NRCAM: variants seen among roughly 807,000 people sequenced by gnomAD.
NRCAM encodes the protein neuronal cell adhesion molecule.
In NRCAM, 83 loss-of-function variants were observed where a neutral mutation model predicts 156.5. The ratio of observed to expected loss-of-function variants is 0.53; its 90% CI spans 0.44 to 0.64. NRCAM has a LOEUF of 0.64. Among genes scored for constraint, NRCAM ranks in the 30% least tolerant of loss-of-function variants. The probability of loss-of-function intolerance (pLI) is 0.00; values close to 1 mark genes in which losing one functional copy is unlikely to be tolerated. For synonymous variants in NRCAM, 538 were observed against 563.9 expected, an observed-to-expected ratio of 0.95 and a Z score of 0.65; for missense variants, 1,417 against 1,597.3, an observed-to-expected ratio of 0.89 and a Z score of 1.92.
chr7:108,240,431 A>G (rs1318150039), intron 3 of NRCAM, among the ~76,000 whole-genome samples: 2 of 152,184 alleles, frequency 1.3e-5, no homozygotes, highest in Admixed American at 1.3e-4. Context: ...TGGTATTTGT[A>G]TTATGAGTGT....
At chr7:108,265,271 AG>A (rs751308244) in intron 3 of NRCAM, among the ~76,000 whole-genome samples, 3 of 152,216 alleles carry the variant, frequency 2.0e-5, no homozygotes, top group Non-Finnish European at 4.4e-5. Flanking sequence ...TTTGGGATAC[AG>A]GCTAATGGAA....
intron 1 of NRCAM, among the ~76,000 whole-genome samples, chr7:108,408,885 CG>C (rs1367962306): frequency 6.6e-6 from 1 of 152,114 alleles, no homozygotes; most frequent in Non-Finnish European, 1.5e-5. Flanking sequence ...ACTGTAGAGG[CG>C]GGGCGGGTAG....
chr7:108,443,102 T>C (rs1840434020), intron 1 of NRCAM, among the ~76,000 whole-genome samples: 1 of 152,180 alleles, frequency 6.6e-6, no homozygotes, highest in Non-Finnish European at 1.5e-5. Context: ...AAACTCAGAA[T>C]TGTAAAGTTC....
At chr7:108,365,923 CAT>C (rs1282576202) in intron 2 of NRCAM, among the ~76,000 whole-genome samples, 1 of 152,100 alleles carries the variant, frequency 6.6e-6, no homozygotes, top group Non-Finnish European at 1.5e-5. Flanking sequence ...TCTCAAAATT[CAT>C]ATGTTAAAAC....
At chr7:108,181,197 A>AG (rs2063284483) in intron 24 of NRCAM, among the ~76,000 whole-genome samples, 1 of 115,504 alleles carries the variant, frequency 8.7e-6, no homozygotes, top group Non-Finnish European at 1.7e-5. Flanking sequence ...GCTAGGGGGA[A>AG]AAAAAAAAAG....
At chr7:108,447,217 G>C (rs1386386209) in intron 1 of NRCAM, among the ~76,000 whole-genome samples, 2 of 145,062 alleles carry the variant, frequency 1.4e-5, no homozygotes. Flanking sequence ...CCTCTTTGAT[G>C]TGAACAGTCA....
chr7:108,315,501 C>G (rs2098900591), intron 2 of NRCAM, among the ~76,000 whole-genome samples: 1 of 152,134 alleles, frequency 6.6e-6, no homozygotes, highest in African/African-American at 2.4e-5. Context: ...AAAATACATT[C>G]CAAAAAACAG....
At chr7:108,319,467 G>A (rs2098974330) in intron 2 of NRCAM, among the ~76,000 whole-genome samples, 1 of 152,132 alleles carries the variant, frequency 6.6e-6, no homozygotes, top group Non-Finnish European at 1.5e-5. Context: ...GATTTGCCAA[G>A]TTCTATGCTG....
chr7:108,388,482 G>A (rs1304248965), intron 2 of NRCAM, among the ~76,000 whole-genome samples: 7 of 152,272 alleles, frequency 4.6e-5, no homozygotes, highest in Admixed American at 3.3e-4. Context: ...TGGGTAGATT[G>A]CAAAAATTTT....
intron 1 of NRCAM, among the ~76,000 whole-genome samples, chr7:108,419,147 G>A (rs1256127585): frequency 6.6e-6 from 1 of 152,130 alleles, no homozygotes; most frequent in Admixed American, 6.5e-5. Flanking sequence ...TAAAAGGAGT[G>A]CCCTCATCCC....
At chr7:108,204,886 T>C (rs150891158) in intron 13 of NRCAM, among the ~76,000 whole-genome samples, 1 of 152,238 alleles carries the variant, frequency 6.6e-6, no homozygotes, top group African/African-American at 2.4e-5. Flanking sequence ...AACTACTCTT[T>C]CTGCTATTAC....
intron 2 of NRCAM, among the ~76,000 whole-genome samples, chr7:108,322,897 C>T (rs2099019404): frequency 6.6e-6 from 1 of 152,136 alleles, no homozygotes. Flanking sequence ...ATAAAGCAAT[C>T]AAATTATGAA....
At chr7:108,170,487 G>C (rs1047185794) in intron 28 of NRCAM, among the ~76,000 whole-genome samples, 1 of 152,178 alleles carries the variant, frequency 6.6e-6, no homozygotes, top group Non-Finnish European at 1.5e-5. Context: ...CCTTCGGAGA[G>C]TCTCATCAGA....
At chr7:108,199,567 C>G (rs2076875364) in intron 13 of NRCAM, among the ~76,000 whole-genome samples, 2 of 152,316 alleles carry the variant, frequency 1.3e-5, no homozygotes, top group South Asian at 4.1e-4. Context: ...GGAGGCTGCC[C>G]ACATTCCTTG....
intron 1 of NRCAM, among the ~76,000 whole-genome samples, chr7:108,452,090 T>A (rs1049157663): frequency 4.6e-5 from 7 of 152,212 alleles, no homozygotes; most frequent in African/African-American, 1.4e-4. Context: ...ATTCCCCTAT[T>A]TCCTTCCTCA....
intron 3 of NRCAM, among the ~76,000 whole-genome samples, chr7:108,244,645 G>A (rs956518708): frequency 6.6e-5 from 10 of 152,094 alleles, no homozygotes; most frequent in Admixed American, 6.6e-4. Context: ...AGTAGTCCGG[G>A]ATAATAGGAC....
intron 17 of NRCAM, among the ~76,000 whole-genome samples, chr7:108,192,160 G>A (rs1587506342): frequency 6.6e-6 from 1 of 152,194 alleles, no homozygotes; most frequent in African/African-American, 2.4e-5. Context: ...CTGGGCTGCA[G>A]AGGGGACCGC....
chr7:108,428,322 G>A lies in NRCAM; in HGVS notation c.-332+27921C>T, dbSNP rs536420134. ...ATTAATTACATAGCCTGTATCAGTT[G>A]TGCCTACATATATTAGTGAAAGTAT... On this transcript the variant is annotated intron_variant, in intron 1 of 32. Coordinates refer to ENST00000379028, the MANE Select transcript of NRCAM (RefSeq NM_001037132.4). 5.9e-5 allele frequency among the ~76,000 whole-genome samples: 9 copies of A among 152,272 alleles called. No individual in the cohort carries two copies. In the South Asian group the frequency reaches 1.9e-3, roughly 32 times the overall value.
chr7:108,194,954 G>A (rs1438831079), intron 15 of NRCAM, among the ~76,000 whole-genome samples: 2 of 152,206 alleles, frequency 1.3e-5, no homozygotes, highest in African/African-American at 4.8e-5. Flanking sequence ...AAAGGGGATG[G>A]TCTGAAGTGG....
Sources: gnomAD v4.1 joint callset for allele counts (sites outside exome capture counted in the v4.1 genomes callset) on GRCh38, gnomAD v4.1.1 for gene constraint, MANE v1.5 for transcripts, NCBI Gene and HGNC (gene_info 2026-07-23, HGNC 2026-07-21) for gene names.